EYA3: variants seen among roughly 807,000 people sequenced by gnomAD.
EYA3 encodes the protein protein phosphatase EYA3.
Under a neutral mutation model 80.0 loss-of-function variants are expected in EYA3, and 39 were observed. The ratio of observed to expected loss-of-function variants is 0.49; its 90% confidence interval spans 0.38 to 0.64. The LOEUF (loss-of-function observed/expected upper bound fraction) is 0.64, where lower values mean the gene tolerates loss of function less well. Ranked by LOEUF, EYA3 falls within the 30% of genes least tolerant of loss-of-function variation. The pLI, the probability that EYA3 is intolerant of heterozygous loss-of-function variation, is 0.00. For missense variants in EYA3, 523 were observed against 676.1 expected (o/e 0.77, Z 2.51); for synonymous variants, 206 against 232.8 (o/e 0.88, Z 1.05).
chr1:28,029,270 A>T (rs1318425252), intron 6 of EYA3, among the ~76,000 whole-genome samples: 1 of 152,238 alleles, frequency 6.6e-6, no homozygotes, highest in Non-Finnish European at 1.5e-5. Flanking sequence ...TTTCAAAAAT[A>T]AAAACTGTGC....
chr1:28,062,659 T>G lies in EYA3; in HGVS notation c.-68-4565A>C, dbSNP rs12750305. On this transcript the variant is annotated intron_variant, in intron 1 of 17. Coordinates refer to ENST00000373871, the MANE Select transcript of EYA3 (RefSeq NM_001990.4). ...GGAAGAGAAATTAAATATATGTAGG[T>G]GTGTGTGTGTGTGTGTGTGTGTGTG... Among the ~76,000 whole-genome samples the G allele has an allele frequency of 8.7e-4, 115 of 132,066 alleles. 1 individual carries two copies. Among genetic ancestry groups the G allele is most frequent in the Admixed American group, 4.5e-4 (6 of 13,282 alleles). 86.6% of individuals were successfully genotyped at this position (132,066 alleles called of 152,430 possible). A position where few individuals can be genotyped will look rare whatever the true frequency, so the allele number is the denominator to read the frequency against.
intron 1 of EYA3, among the ~76,000 whole-genome samples, chr1:28,083,551 T>C (rs1645507802): frequency 6.6e-6 from 1 of 152,040 alleles, no homozygotes. Context: ...CCTTATTTCA[T>C]AGGGTTGTAA....
chr1:28,028,394 T>A (rs1300772526), intron 6 of EYA3, among the ~76,000 whole-genome samples: 1 of 152,210 alleles, frequency 6.6e-6, no homozygotes, highest in East Asian at 1.9e-4. Flanking sequence ...TCTGCCTTCT[T>A]AAGCTGGTTA....
At chr1:27,998,096 GT>G (rs1232724369) in intron 12 of EYA3, among the ~76,000 whole-genome samples, 6 of 152,142 alleles carry the variant, frequency 3.9e-5, no homozygotes, top group Non-Finnish European at 8.8e-5. Context: ...ACTGATGGAT[GT>G]ACTCCTCTGA....
intron 14 of EYA3, among the ~76,000 whole-genome samples, chr1:27,992,154 G>A (rs1640111078): frequency 6.6e-6 from 1 of 152,160 alleles, no homozygotes; most frequent in Admixed American, 6.5e-5. Context: ...TTGTAAGGCA[G>A]CATAGTATAG....
At chr1:28,046,660 A>C (rs919248362) in intron 3 of EYA3, among the ~76,000 whole-genome samples, 10 of 152,184 alleles carry the variant, frequency 6.6e-5, no homozygotes, top group Admixed American at 3.3e-4. Flanking sequence ...AACAGTTAGC[A>C]CAATTTTGTG....
chr1:28,045,581 T>A (rs112922707), intron 3 of EYA3, among the ~76,000 whole-genome samples: 2,005 of 152,284 alleles, frequency 0.013, 22 homozygotes, highest in Non-Finnish European at 0.022. Flanking sequence ...CAACATCCCC[T>A]ACATACTCAA....
intron 8 of EYA3, among the ~76,000 whole-genome samples, chr1:28,014,903 A>C (rs1343492533): frequency 6.6e-6 from 1 of 152,232 alleles, no homozygotes; most frequent in Non-Finnish European, 1.5e-5. Context: ...CGCAGCTAAA[A>C]AAATTCCATT....
chr1:28,082,073 A>G (rs1292545751), intron 1 of EYA3, among the ~76,000 whole-genome samples: 3 of 152,180 alleles, frequency 2.0e-5, no homozygotes, highest in Non-Finnish European at 4.4e-5. Flanking sequence ...GTTCAGCTCC[A>G]TAACAATACT....
chr1:28,047,978 C>A (rs958843633), intron 3 of EYA3, among the ~76,000 whole-genome samples: 3 of 152,100 alleles, frequency 2.0e-5, no homozygotes, highest in Non-Finnish European at 2.9e-5. Context: ...GGGTTAATGA[C>A]TAAGTCATTT....
chr1:27,989,862 G>T, intron 14 of EYA3, 51 bp from the exon 15 acceptor site: 2 of 1,223,750 alleles, frequency 1.6e-6, no homozygotes, highest in Non-Finnish European at 2.3e-6. Flanking sequence ...TATATTTGCT[G>T]ACAGTGAGAA....
At chr1:28,014,899 TA>T in intron 8 of EYA3, among the ~76,000 whole-genome samples, 1 of 152,132 alleles carries the variant, frequency 6.6e-6, no homozygotes, top group East Asian at 1.9e-4. Flanking sequence ...AATACGCAGC[TA>T]AAAAAATTCC....
Position 28,027,807 on chromosome 1 carries a change from A to G in EYA3, c.481T>C (p.Tyr161His). 1 of 1,614,170 alleles carries G rather than the reference A, an allele frequency of 6.2e-7. No individual in the cohort carries two copies. ...TATTTACCTTGAATGGGATAAGAATAATGTGCTGGGCTTGGCTGGCTTGTG... is the reference window on the plus strand; with the variant it reads ...TATTTACCTTGAATGGGATAAGAATGATGTGCTGGGCTTGGCTGGCTTGTG... ...LTTSQPSPAHYSYPIQASSTN... is the reference protein window; with the variant it reads ...LTTSQPSPAHHSYPIQASSTN... Residue 161 changes from tyrosine (Y) to histidine (H), a missense_variant, in exon 7 of 18, where the codon TAT becomes CAT. By Grantham distance (83) the Tyr-to-His change is moderately conservative (BLOSUM62 2). Coordinates refer to ENST00000373871, the MANE Select transcript of EYA3 (RefSeq NM_001990.4).
At chr1:28,023,933 A>G (rs1642612742) in intron 7 of EYA3, among the ~76,000 whole-genome samples, 1 of 152,132 alleles carries the variant, frequency 6.6e-6, no homozygotes, top group African/African-American at 2.4e-5. Flanking sequence ...TAAATCTAAA[A>G]TTATTAATAA....
intron 7 of EYA3, among the ~76,000 whole-genome samples, chr1:28,023,571 A>G (rs1642587831): frequency 6.6e-6 from 1 of 152,194 alleles, no homozygotes; most frequent in South Asian, 2.1e-4. Flanking sequence ...AACATCAGAT[A>G]AATTCTCTAA....
chr1:27,978,131 G>A (rs994303093), intron 17 of EYA3, among the ~76,000 whole-genome samples: 1 of 152,070 alleles, frequency 6.6e-6, no homozygotes, highest in African/African-American at 2.4e-5. Context: ...CTGTAGAAGG[G>A]CTTAAAGATT....
chr1:28,063,422 T>A (rs1644716183), intron 1 of EYA3, among the ~76,000 whole-genome samples: 1 of 136,484 alleles, frequency 7.3e-6, no homozygotes, highest in Non-Finnish European at 1.5e-5. Flanking sequence ...AGCGGCGTAA[T>A]CTCGGCTCAC....
chr1:28,010,626 C>T (rs1204302946), intron 10 of EYA3, among the ~76,000 whole-genome samples: 2 of 152,182 alleles, frequency 1.3e-5, no homozygotes, highest in Admixed American at 6.5e-5. Context: ...CCGCTTCAGC[C>T]TCCCAAAGTG....
intron 1 of EYA3, among the ~76,000 whole-genome samples, chr1:28,059,430 A>G (rs1320421659): frequency 6.6e-6 from 1 of 152,228 alleles, no homozygotes; most frequent in Non-Finnish European, 1.5e-5. Context: ...GCAATAAGTA[A>G]AGCTCATAGG....
Sources: allele counts gnomAD v4.1 joint callset (sites outside exome capture counted in the v4.1 genomes callset), GRCh38; gene constraint gnomAD v4.1.1; transcripts MANE v1.5; gene names NCBI Gene and HGNC (gene_info 2026-07-23, HGNC 2026-07-21).